The following ATXN7L1 variants were observed in gnomAD, a reference collection of about 807,000 sequenced individuals.
The protein encoded by ATXN7L1 is ataxin 7 like 1.
In ATXN7L1, 15 loss-of-function variants were observed where a neutral mutation model predicts 70.8. The ratio of observed to expected loss-of-function variants is 0.21; its 90% confidence interval spans 0.14 to 0.33. The LOEUF is 0.33. Ranked by LOEUF, ATXN7L1 falls within the 10% of genes least tolerant of loss-of-function variation. The pLI is 1.00. For synonymous variants in ATXN7L1, 440 were observed against 445.1 expected (o/e 0.99, Z 0.14); for missense variants, 975 against 1,097.1 (o/e 0.89, Z 1.57).
At chr7:105,822,780 TC>T in intron 2 of ATXN7L1, among the ~76,000 whole-genome samples, 1 of 152,306 alleles carries the variant, frequency 6.6e-6, no homozygotes, top group Non-Finnish European at 1.5e-5. Flanking sequence ...TCATTTCCAT[TC>T]TCCCAGTGAG....
At chr7:105,851,644 C>G (rs771632207) in intron 2 of ATXN7L1, among the ~76,000 whole-genome samples, 13 of 152,156 alleles carry the variant, frequency 8.5e-5, no homozygotes, top group Non-Finnish European at 1.8e-4. Flanking sequence ...TCCCATGTGG[C>G]TCACCCCCTT....
chr7:105,777,054 G>C (rs926360703), intron 3 of ATXN7L1, among the ~76,000 whole-genome samples: 7 of 152,164 alleles, frequency 4.6e-5, no homozygotes, highest in Admixed American at 3.3e-4. Flanking sequence ...GTGTCTACTA[G>C]AAGCCAGGAA....
At chr7:105,620,519 C>G (rs1250331051) in intron 8 of ATXN7L1, among the ~76,000 whole-genome samples, 198 bp from the exon 9 acceptor site, 1 of 152,122 alleles carries the variant, frequency 6.6e-6, no homozygotes, top group African/African-American at 2.4e-5. Flanking sequence ...TATTACAACT[C>G]AACAATAGCT....
At chr7:105,662,082 C>CT (rs375810406) in intron 4 of ATXN7L1, among the ~76,000 whole-genome samples, 1,037 of 78,818 alleles carry the variant, frequency 0.013, 18 homozygotes, top group East Asian at 0.099. Context: ...TTCCTTCCTT[C>CT]TTTCTTTTCT....
chr7:105,714,549 C>A (rs1794300467), intron 3 of ATXN7L1, among the ~76,000 whole-genome samples: 1 of 152,186 alleles, frequency 6.6e-6, no homozygotes, highest in South Asian at 2.1e-4. Flanking sequence ...TTTTGAGATC[C>A]TGTCCAGGTC....
rs369454292 is a variant in ATXN7L1 at position 105,708,970 on chromosome 7, C to A, written c.356-43682G>T. ...CAGTGGTTCTCAAACATCAATGACT[C>A]CAGTCTCTTGTTAAAATGCAGATCC... On this transcript the variant is annotated intron_variant, in intron 3 of 11. Coordinates refer to ENST00000419735, the MANE Select transcript of ATXN7L1 (RefSeq NM_020725.2). 5.9e-5 allele frequency among the ~76,000 whole-genome samples: 9 copies of A among 152,190 alleles called. 1 individual carries two copies. Among genetic ancestry groups the A allele is most frequent in the Non-Finnish European group, 5.9e-5 (4 of 68,028 alleles).
intron 2 of ATXN7L1, among the ~76,000 whole-genome samples, chr7:105,846,961 G>A (rs778996964): frequency 5.3e-5 from 8 of 152,196 alleles, no homozygotes; most frequent in Non-Finnish European, 7.3e-5. Flanking sequence ...GAGGGGAGGA[G>A]GGAATGGTCA....
intron 2 of ATXN7L1, among the ~76,000 whole-genome samples, chr7:105,798,106 C>T (rs1585031659): frequency 6.6e-6 from 1 of 152,210 alleles, no homozygotes; most frequent in African/African-American, 2.4e-5. Context: ...TATTTATTCA[C>T]TCTTTGAGCT....
intron 3 of ATXN7L1, among the ~76,000 whole-genome samples, chr7:105,727,779 C>CATAT (rs1337554948): frequency 3.0e-5 from 2 of 66,864 alleles, no homozygotes; most frequent in African/African-American, 1.5e-4. Context: ...TATATATATA[C>CATAT]ACACACATAC....
intron 3 of ATXN7L1, among the ~76,000 whole-genome samples, chr7:105,741,845 A>T (rs1488074059): frequency 6.6e-6 from 1 of 152,182 alleles, no homozygotes; most frequent in Non-Finnish European, 1.5e-5. Context: ...TGAAGATGAA[A>T]GCTGAGATGG....
At chr7:105,781,938 C>G (rs1334406303) in intron 3 of ATXN7L1, among the ~76,000 whole-genome samples, 1 of 152,156 alleles carries the variant, frequency 6.6e-6, no homozygotes, top group African/African-American at 2.4e-5. Context: ...CTCCCAGGCT[C>G]AAGCAATCCT....
intron 3 of ATXN7L1, among the ~76,000 whole-genome samples, chr7:105,747,333 C>T (rs893134533): frequency 3.9e-5 from 6 of 152,092 alleles, no homozygotes; most frequent in South Asian, 2.1e-4. Flanking sequence ...CAAAAGGGTT[C>T]GGAGAACTTC....
intron 2 of ATXN7L1, among the ~76,000 whole-genome samples, chr7:105,850,145 A>G (rs1004143921): frequency 3.3e-5 from 5 of 152,228 alleles, no homozygotes; most frequent in African/African-American, 1.2e-4. Flanking sequence ...GATGAAATAT[A>G]ATGATAAAAA....
chr7:105,656,756 G>A (rs930998585), intron 4 of ATXN7L1, among the ~76,000 whole-genome samples: 41 of 152,128 alleles, frequency 2.7e-4, no homozygotes, highest in African/African-American at 9.6e-4. Flanking sequence ...CTTTTAGTAG[G>A]GACAGGGTTT....
At position 105,734,347 on chromosome 7, in the gene ATXN7L1, T is replaced by C. The variant is rs186235070; in HGVS notation, c.355+54257A>G. On this transcript the variant is annotated intron_variant, in intron 3 of 11. Coordinates refer to ENST00000419735, the MANE Select transcript of ATXN7L1 (RefSeq NM_020725.2). ...AACAAAACAGACAAAAAAACCCAAC[T>C]ACAGTCCTTTCCTCAGACTGCCTCT... 2.4e-3 allele frequency among the ~76,000 whole-genome samples: 365 copies of C among 152,236 alleles called. 1 individual carries two copies. Among genetic ancestry groups the C allele is most frequent in the Non-Finnish European group, 4.1e-3 (277 of 68,008 alleles).
intron 3 of ATXN7L1, among the ~76,000 whole-genome samples, chr7:105,678,366 A>G (rs1254172736): frequency 6.6e-6 from 1 of 152,158 alleles, no homozygotes; most frequent in Non-Finnish European, 1.5e-5. Context: ...GCACACAGGA[A>G]ACAGAGCCCT....
chr7:105,738,020 C>A (rs979807352), intron 3 of ATXN7L1, among the ~76,000 whole-genome samples: 1 of 152,188 alleles, frequency 6.6e-6, no homozygotes, highest in Non-Finnish European at 1.5e-5. Flanking sequence ...CAACATGGAG[C>A]AGACACGAAT....
intron 2 of ATXN7L1, among the ~76,000 whole-genome samples, chr7:105,800,478 C>G (rs1806646069): frequency 6.6e-6 from 1 of 152,220 alleles, no homozygotes; most frequent in Non-Finnish European, 1.5e-5. Context: ...TTAGCCCACT[C>G]TGTCTGGTGT....
intron 3 of ATXN7L1, among the ~76,000 whole-genome samples, chr7:105,787,159 C>T (rs1302832663): frequency 6.6e-6 from 1 of 152,226 alleles, no homozygotes; most frequent in South Asian, 2.1e-4. Flanking sequence ...AGAAGGTCAA[C>T]TTGTGCCAGG....
Sources: allele counts gnomAD v4.1 joint callset (sites outside exome capture counted in the v4.1 genomes callset), GRCh38; gene constraint gnomAD v4.1.1; transcripts MANE v1.5; gene names NCBI Gene and HGNC (gene_info 2026-07-23, HGNC 2026-07-21).